Variants in TRAPPC9 observed in about 807,000 individuals in gnomAD.
TRAPPC9 encodes the protein trafficking protein particle complex subunit 9.
TRAPPC9 carries 83 observed loss-of-function variants against 124.0 expected under a neutral mutation model. The ratio of observed to expected loss-of-function variants is 0.67; its 90% CI spans 0.56 to 0.80. The LOEUF is 0.80. TRAPPC9 is among the 30% of genes least tolerant of loss of function. The pLI is 0.00. For missense variants in TRAPPC9, 1,302 were observed against 1,508.3 expected (o/e 0.86, Z 2.27); for synonymous variants, 638 against 617.5 (o/e 1.03, Z -0.49).
intron 21 of TRAPPC9, among the ~76,000 whole-genome samples, chr8:139,818,413 T>C (rs1169453413): frequency 6.6e-6 from 1 of 152,084 alleles, no homozygotes; most frequent in African/African-American, 2.4e-5. Context: ...CCATCTCTAC[T>C]AAAAATACAA....
At chr8:140,263,570 A>C (rs888208782) in intron 15 of TRAPPC9, among the ~76,000 whole-genome samples, 1 of 152,230 alleles carries the variant, frequency 6.6e-6, no homozygotes, top group Non-Finnish European at 1.5e-5. Flanking sequence ...AGTACCTTAC[A>C]GGAGGAACTA....
chr8:140,443,590 C>G (rs2071125484), intron 2 of TRAPPC9, among the ~76,000 whole-genome samples: 1 of 151,692 alleles, frequency 6.6e-6, no homozygotes, highest in Non-Finnish European at 1.5e-5. Context: ...GCTAAAGCAC[C>G]AAAGCAGACA....
At chr8:139,940,548 G>A (rs564680309) in intron 19 of TRAPPC9, among the ~76,000 whole-genome samples, 24 of 152,234 alleles carry the variant, frequency 1.6e-4, no homozygotes, top group Non-Finnish European at 2.4e-4. Context: ...GGCAGGACGT[G>A]GAGAGCGGCA....
intron 19 of TRAPPC9, among the ~76,000 whole-genome samples, chr8:139,957,726 G>A (rs1365185257): frequency 6.6e-6 from 1 of 152,078 alleles, no homozygotes; most frequent in African/African-American, 2.4e-5. Context: ...AGCCGCAGGG[G>A]TGGCTCACTC....
rs562025797 is a variant in TRAPPC9 at position 140,304,436 on chromosome 8, G to A, written c.1623-3822C>T. Among the ~76,000 whole-genome samples, 7 of 151,904 alleles carry A rather than the reference G, an allele frequency of 4.6e-5. No homozygotes were observed. The South Asian group carries it at 6.2e-4, about 14-fold the overall frequency. On this transcript the variant is annotated intron_variant, in intron 10 of 22. Transcript: ENST00000438773. ...TTAAACTGGTAAAATCCATGTTTCC[G>A]GGCATAGGACGTTGAAGTGTTTGGT...
chr8:140,181,920 C>A (rs375753573), intron 17 of TRAPPC9, among the ~76,000 whole-genome samples: 2 of 152,144 alleles, frequency 1.3e-5, no homozygotes, highest in East Asian at 3.9e-4. Flanking sequence ...CTGCTCCCTG[C>A]AGGTTTCCTA....
At chr8:140,201,034 T>C (rs1211141498) in intron 17 of TRAPPC9, among the ~76,000 whole-genome samples, 1 of 152,192 alleles carries the variant, frequency 6.6e-6, no homozygotes, top group African/African-American at 2.4e-5. Context: ...TGTGTTCCAG[T>C]AGCATGTCAC....
chr8:140,024,102 AT>A, intron 17 of TRAPPC9, 23 bp from the exon 18 acceptor site: 1 of 1,610,252 alleles, frequency 6.2e-7, no homozygotes, highest in Non-Finnish European at 8.5e-7. Context: ...AAAAAAAAAA[AT>A]ACACACACAC....
chr8:140,404,846 G>A (rs576052261), intron 6 of TRAPPC9, among the ~76,000 whole-genome samples: 5 of 151,946 alleles, frequency 3.3e-5, no homozygotes, highest in Middle Eastern at 3.2e-3. Flanking sequence ...GCGTGTGTAC[G>A]TGCCTGTGTG....
At chr8:140,359,901 G>T in intron 9 of TRAPPC9, 149 bp downstream of exon 9, 2 of 1,108,692 alleles carry the variant, frequency 1.8e-6, no homozygotes, top group Non-Finnish European at 2.7e-6. Flanking sequence ...GGGAGCCAAG[G>T]CATGGGGCAG....
chr8:139,834,525 G>A (rs895157119), intron 21 of TRAPPC9, among the ~76,000 whole-genome samples: 10 of 152,376 alleles, frequency 6.6e-5, no homozygotes, highest in South Asian at 2.1e-4. Flanking sequence ...GCAGGCAGGC[G>A]GAACGTGGCG....
chr8:140,383,051 AG>A (rs2068655411), intron 7 of TRAPPC9, among the ~76,000 whole-genome samples: 1 of 152,260 alleles, frequency 6.6e-6, no homozygotes, highest in African/African-American at 2.4e-5. Context: ...CCAGGCAAAC[AG>A]GGTCTAGAGT....
chr8:139,866,016 C>A (rs1828510212), intron 21 of TRAPPC9, among the ~76,000 whole-genome samples: 1 of 134,380 alleles, frequency 7.4e-6, no homozygotes, highest in Admixed American at 7.0e-5. Flanking sequence ...GGGGTGGGGA[C>A]ATGGGGGGCC....
chr8:140,123,724 C>A (rs1325803844), intron 17 of TRAPPC9, among the ~76,000 whole-genome samples: 4 of 152,226 alleles, frequency 2.6e-5, no homozygotes, highest in African/African-American at 9.6e-5. Context: ...ATAAGCTCCA[C>A]AAGAGTAAGA....
At chr8:140,453,475 C>G (rs903338811) in intron 1 of TRAPPC9, among the ~76,000 whole-genome samples, 25 of 72,870 alleles carry the variant, frequency 3.4e-4, no homozygotes, top group African/African-American at 1.3e-3. Context: ...AGCTTCTCAC[C>G]TGCACGGAGA....
chr8:139,975,238 CAG>C (rs889310731), intron 19 of TRAPPC9, among the ~76,000 whole-genome samples: 2 of 152,226 alleles, frequency 1.3e-5, no homozygotes, highest in Non-Finnish European at 1.5e-5. Flanking sequence ...GCACTAGAGA[CAG>C]TGGCGACTGC....
chr8:139,802,138 G>A (rs1312093974), intron 21 of TRAPPC9, among the ~76,000 whole-genome samples: 2 of 152,168 alleles, frequency 1.3e-5, no homozygotes, highest in African/African-American at 4.8e-5. Flanking sequence ...GTACAGAACG[G>A]CATGGGTCAC....
At chr8:139,998,452 C>T (rs917767569) in intron 18 of TRAPPC9, among the ~76,000 whole-genome samples, 6 of 152,252 alleles carry the variant, frequency 3.9e-5, no homozygotes, top group Admixed American at 6.5e-5. Flanking sequence ...GGCGCAGTGG[C>T]TCATGCCTGT....
intron 5 of TRAPPC9, among the ~76,000 whole-genome samples, chr8:140,424,781 A>C (rs1244955925): frequency 1.3e-5 from 2 of 152,190 alleles, no homozygotes; most frequent in African/African-American, 4.8e-5. Flanking sequence ...CTTAGTTCTT[A>C]GGATGAGAGA....
Sources: allele counts gnomAD v4.1 joint callset (sites outside exome capture counted in the v4.1 genomes callset), GRCh38; gene constraint gnomAD v4.1.1; transcripts MANE v1.5; gene names NCBI Gene and HGNC (gene_info 2026-07-23, HGNC 2026-07-21).